Variants in KIF13A observed in about 807,000 individuals in gnomAD.
KIF13A encodes the protein kinesin-like protein KIF13A.
A neutral mutation model predicts 212.2 loss-of-function variants in KIF13A; 79 were observed. That is an observed-to-expected ratio of 0.37 (90% CI 0.31 to 0.45). The LOEUF is 0.45. Among genes scored for constraint, KIF13A ranks in the 20% least tolerant of loss-of-function variants. The probability of loss-of-function intolerance (pLI) is 1.00; values close to 1 mark genes in which losing one functional copy is unlikely to be tolerated. For missense variants in KIF13A, 1,901 were observed against 2,209.0 expected (o/e 0.86, Z 2.79); for synonymous variants, 789 against 808.6 (o/e 0.98, Z 0.41).
chr6:17,964,829 G>C (rs1009451102), intron 2 of KIF13A, among the ~76,000 whole-genome samples: 4 of 149,648 alleles, frequency 2.7e-5, no homozygotes, highest in Non-Finnish European at 4.5e-5. Context: ...TTTTCTTGTT[G>C]TTTTGTTTTT....
intron 2 of KIF13A, among the ~76,000 whole-genome samples, chr6:17,920,839 A>C (rs1018527180): frequency 2.7e-5 from 4 of 149,470 alleles, no homozygotes; most frequent in African/African-American, 9.9e-5. Flanking sequence ...GCACCACTGC[A>C]CTCCAGCCTG....
At chr6:17,800,451 T>C (rs145855949) in intron 20 of KIF13A, among the ~76,000 whole-genome samples, 57 of 151,592 alleles carry the variant, frequency 3.8e-4, no homozygotes, top group African/African-American at 1.4e-3. Context: ...TGTTTTGTTT[T>C]TCCAAGATGG....
chr6:17,797,556 C>T (rs1561984954), intron 22 of KIF13A, among the ~76,000 whole-genome samples: 2 of 152,114 alleles, frequency 1.3e-5, no homozygotes, highest in Non-Finnish European at 2.9e-5. Context: ...ATCTTCATGA[C>T]TTTATGCTCT....
At chr6:17,853,264 G>A (rs1767834267) in intron 6 of KIF13A, among the ~76,000 whole-genome samples, 1 of 151,972 alleles carries the variant, frequency 6.6e-6, no homozygotes, top group Non-Finnish European at 1.5e-5. Flanking sequence ...AGATGCACAC[G>A]ATCCAGTACA....
chr6:17,937,052 C>T (rs1014226790), intron 2 of KIF13A, among the ~76,000 whole-genome samples: 4 of 152,090 alleles, frequency 2.6e-5, no homozygotes, highest in African/African-American at 7.2e-5. Flanking sequence ...GTGGTGTGTG[C>T]CTGTAGTCTC....
At chr6:17,948,820 C>A (rs938827284) in intron 2 of KIF13A, among the ~76,000 whole-genome samples, 1 of 152,052 alleles carries the variant, frequency 6.6e-6, no homozygotes, top group Non-Finnish European at 1.5e-5. Flanking sequence ...CCCGTTTCGG[C>A]CCCTCAAAGT....
chr6:17,917,537 G>C (rs1409573335), intron 2 of KIF13A, among the ~76,000 whole-genome samples: 8 of 152,076 alleles, frequency 5.3e-5, no homozygotes, highest in Non-Finnish European at 7.4e-5. Context: ...CACTGCACCT[G>C]GCCTTACACA....
rs75062250 is a variant in KIF13A, at chr6:17,849,071, C to T, written c.830+306G>A. Among the ~76,000 whole-genome samples the T allele has an allele frequency of 0.025, 3,839 of 152,192 alleles. 70 individuals are homozygous for T. The highest frequency in any genetic ancestry group is 0.04 in the Non-Finnish European group (2,703 of 67,996). On this transcript the variant is annotated intron_variant, in intron 9 of 38. Transcript: ENST00000259711. The surrounding 1 kb of genome is among the most constrained non-coding windows in gnomAD (Gnocchi z 5.7). The stretch of plus-strand genomic sequence containing the variant: ...TAGCTGGGGTTACCGGTGTGCGTGA[C>T]CGTGCCTTTTTAGTAGAGATGGGGT...
Position 17,794,699 on chromosome 6 carries a change from T to A in KIF13A, c.2948A>T (p.Asn983Ile). 6.2e-7 allele frequency: 1 copy of A among 1,608,102 alleles called. No individual in the cohort carries two copies. Among genetic ancestry groups the A allele is most frequent in the Non-Finnish European group, 8.5e-7 (1 of 1,178,614 alleles). ...AKTRTLHDRW[N>I]EVTRRIEMWI... ...CATTTCTATTCTTCGCGTTACTTCA[T>A]TCCACCTGCAGAAACACATTCCAAC... Residue 983 changes from asparagine (N) to isoleucine (I), a missense_variant, in exon 24 of 39, where the codon AAT (asparagine) becomes ATT (isoleucine). Coordinates refer to ENST00000259711, the MANE Select transcript of KIF13A (RefSeq NM_022113.6). This position sits in a 1 kb window ranked among gnomAD's most constrained non-coding sequence, Gnocchi z 4.1.
Position 17,856,403 on chromosome 6 carries a change from A to G in KIF13A, c.221-281T>C, listed in dbSNP as rs935301937. Among the ~76,000 whole-genome samples, 3 of 152,118 alleles carry G rather than the reference A, an allele frequency of 2.0e-5. No homozygotes were observed. Among genetic ancestry groups the G allele is most frequent in the African/African-American group, 7.2e-5 (3 of 41,406 alleles). On this transcript the variant is annotated intron_variant, in intron 4 of 38. Coordinates refer to ENST00000259711, the MANE Select transcript of KIF13A (RefSeq NM_022113.6). The surrounding 1 kb of genome is among the most constrained non-coding windows in gnomAD (Gnocchi z 4.5). ...GTGGGCCATATGGAAGCAGCATTCA[A>G]ATTTGGTTGTTTTTTCTTATGACTA...
chr6:17,803,409 C>G (rs1431217579), intron 20 of KIF13A, among the ~76,000 whole-genome samples: 1 of 152,090 alleles, frequency 6.6e-6, no homozygotes, highest in African/African-American at 2.4e-5. Flanking sequence ...GTGGGCTGTG[C>G]ACTTACACCC....
chr6:17,775,311 C>T (rs1041523210), intron 34 of KIF13A, among the ~76,000 whole-genome samples: 10 of 152,256 alleles, frequency 6.6e-5, no homozygotes, highest in Admixed American at 5.2e-4. Context: ...TTATGCTTCA[C>T]ATAAGTGGTA....
chr6:17,981,926 G>A (rs1473111480), intron 2 of KIF13A, among the ~76,000 whole-genome samples: 2 of 152,130 alleles, frequency 1.3e-5, no homozygotes, highest in African/African-American at 4.8e-5. Flanking sequence ...AGGAGCCAAG[G>A]AACCATCCTA....
intron 16 of KIF13A, among the ~76,000 whole-genome samples, chr6:17,824,781 CAA>C (rs59974782): frequency 1.1e-5 from 1 of 90,658 alleles, no homozygotes; most frequent in East Asian, 3.0e-4. Context: ...AAAAAAAAAA[CAA>C]AACACCAAAA....
intron 2 of KIF13A, among the ~76,000 whole-genome samples, chr6:17,962,495 C>G (rs1020228828): frequency 6.6e-6 from 1 of 152,134 alleles, no homozygotes; most frequent in African/African-American, 2.4e-5. Flanking sequence ...ACAGATGACA[C>G]GGACCACAGA....
chr6:17,836,921 CGCA>C lies in KIF13A; in HGVS notation c.1109_1111del (p.Leu370del). 1 of 1,613,928 alleles carries C rather than the reference CGCA, an allele frequency of 6.2e-7. No homozygotes were observed. The highest frequency in any genetic ancestry group is 2.2e-5 in the East Asian group (1 of 44,876). Reference sequence around the variant, plus strand: ...CTCTCTCAGTTTCTCGACTTCCTCCCGCAGTTCTCGGATCACTTTTGCGTTGGG... The same window carrying C: ...CTCTCTCAGTTTCTCGACTTCCTCCCGTTCTCGGATCACTTTTGCGTTGGG... On this transcript the variant is annotated inframe_deletion, in exon 11 of 39. Coordinates refer to ENST00000259711, the MANE Select transcript of KIF13A (RefSeq NM_022113.6).
Position 17,819,601 on chromosome 6 carries a change from C to A in KIF13A, c.1787-2368G>T, listed in dbSNP as rs1265118592. On this transcript the variant is annotated intron_variant, in intron 16 of 38. Transcript: ENST00000259711. ...AAGAATATAAACTGGGGGAAAAAAC[C>A]CAAACCAAAAAACAAACAAAAAATC... is the stretch of plus-strand genomic sequence containing the variant. Among the ~76,000 whole-genome samples the A allele has an allele frequency of 2.7e-5, 4 of 145,854 alleles. No individual in the cohort carries two copies. In the East Asian group the frequency reaches 6.1e-4, roughly 22 times the overall value.
intron 2 of KIF13A, among the ~76,000 whole-genome samples, chr6:17,985,788 G>C (rs1303973510): frequency 6.6e-6 from 1 of 151,970 alleles, no homozygotes; most frequent in African/African-American, 2.4e-5. Context: ...TCCATTACTA[G>C]ACAACATTCA....
At chr6:17,908,918 G>A (rs759226714) in intron 2 of KIF13A, among the ~76,000 whole-genome samples, 1 of 152,170 alleles carries the variant, frequency 6.6e-6, no homozygotes, top group Non-Finnish European at 1.5e-5. Flanking sequence ...AACAATCCTA[G>A]CTCTGCCTTG....
Sources: gnomAD v4.1 joint callset for allele counts (sites outside exome capture counted in the v4.1 genomes callset) on GRCh38, gnomAD v4.1.1 for gene constraint, Gnocchi (gnomAD v3.1) non-coding constraint, MANE v1.5 for transcripts, NCBI Gene and HGNC (gene_info 2026-07-23, HGNC 2026-07-21) for gene names.